FANCC: variants seen among roughly 807,000 people sequenced by gnomAD.
The protein encoded by FANCC is Fanconi anemia group C protein.
FANCC carries 55 observed loss-of-function variants against 71.3 expected under a neutral mutation model. That is an observed-to-expected ratio of 0.77 (90% CI 0.62 to 0.97). The LOEUF (loss-of-function observed/expected upper bound fraction) is 0.97. Among genes scored for constraint, FANCC ranks in the 50% least tolerant of loss-of-function variants. The pLI is 0.00. For synonymous variants in FANCC, 275 were observed against 244.9 expected (o/e 1.12, Z -1.15); for missense variants, 678 against 670.9 (o/e 1.01, Z -0.12).
At chr9:95,267,433 A>G (rs1380061140) in intron 1 of FANCC, among the ~76,000 whole-genome samples, 1 of 152,186 alleles carries the variant, frequency 6.6e-6, no homozygotes, top group African/African-American at 2.4e-5. Context: ...GACAGAGACA[A>G]GCAGAATGAG....
chr9:95,307,944 A>G (rs1835159496), intron 1 of FANCC, among the ~76,000 whole-genome samples: 1 of 152,270 alleles, frequency 6.6e-6, no homozygotes, highest in Non-Finnish European at 1.5e-5. Context: ...GAGGGGTCAC[A>G]TCGCAATGGA....
At chr9:95,140,280 C>T (rs538497956) in intron 7 of FANCC, among the ~76,000 whole-genome samples, 148 of 152,158 alleles carry the variant, frequency 9.7e-4, no homozygotes, top group African/African-American at 3.3e-3. Flanking sequence ...CTGGACAGGA[C>T]GCTCTCCCCT....
At chr9:95,191,162 A>C (rs1827074873) in intron 4 of FANCC, among the ~76,000 whole-genome samples, 1 of 152,026 alleles carries the variant, frequency 6.6e-6, no homozygotes, top group Non-Finnish European at 1.5e-5. Context: ...TTCTGTCATA[A>C]AAGACTGAAC....
intron 1 of FANCC, among the ~76,000 whole-genome samples, chr9:95,272,908 G>GTTATCAGCTA (rs1163041366): frequency 7.9e-5 from 12 of 152,154 alleles, no homozygotes; most frequent in African/African-American, 2.9e-4. Context: ...GCTAGAAATC[G>GTTATCAGCTA]GTGATCAGCA....
At chr9:95,247,210 C>CACGT (rs1554857733) in intron 3 of FANCC, among the ~76,000 whole-genome samples, 1 of 123,554 alleles carries the variant, frequency 8.1e-6, no homozygotes, top group Non-Finnish European at 1.7e-5. Context: ...GGTGCGTGCA[C>CACGT]GCGTGTGTGT....
intron 1 of FANCC, among the ~76,000 whole-genome samples, chr9:95,260,678 T>A (rs1251352897): frequency 2.5e-5 from 3 of 117,990 alleles, no homozygotes; most frequent in Non-Finnish European, 5.3e-5. Flanking sequence ...ATCTCAGAAC[T>A]TAAAATATAA....
At chr9:95,112,464 CAGTCCTCCCTG>C (rs72083778) in intron 12 of FANCC, among the ~76,000 whole-genome samples, 7,756 of 152,292 alleles carry the variant, frequency 0.051, 273 homozygotes, top group Admixed American at 0.084. Flanking sequence ...CCTCCTGCCC[CAGTCCTCCCTG>C]AGAACAAGTG....
At chr9:95,166,760 G>A in intron 6 of FANCC, among the ~76,000 whole-genome samples, 1 of 152,120 alleles carries the variant, frequency 6.6e-6, no homozygotes, top group East Asian at 1.9e-4. Flanking sequence ...AGTTTACTAT[G>A]GGACTGGAGC....
At chr9:95,116,129 C>T (rs146173156) in intron 11 of FANCC, among the ~76,000 whole-genome samples, 4 of 152,376 alleles carry the variant, frequency 2.6e-5, no homozygotes, top group African/African-American at 4.8e-5. Flanking sequence ...CATGCCCATG[C>T]ACCACCTCAC....
chr9:95,100,191 T>C lies in FANCC; in HGVS notation c.*1516A>G, dbSNP rs541816451. 4.3e-5 allele frequency: 10 copies of C among 232,022 alleles called. 1 individual carries two copies. In the South Asian group the frequency reaches 1.1e-3, roughly 25 times the overall value. 14.4% of individuals were successfully genotyped at this position (232,022 alleles called of 1,614,324 possible). On this transcript the variant is annotated 3_prime_UTR_variant, in exon 15 of 15. Coordinates refer to ENST00000289081, the MANE Select transcript of FANCC (RefSeq NM_000136.3). Reference sequence around the variant, plus strand: ...TGTTATATGAAGGCAAGGATCATGATGGCACGAAGCATGTTATATGAAGGC... The same window carrying C: ...TGTTATATGAAGGCAAGGATCATGACGGCACGAAGCATGTTATATGAAGGC...
intron 1 of FANCC, among the ~76,000 whole-genome samples, chr9:95,263,176 G>A (rs1832156543): frequency 6.6e-6 from 1 of 152,210 alleles, no homozygotes; most frequent in South Asian, 2.1e-4. Context: ...TGGCCCAGCA[G>A]AGGTGGGGCC....
rs1712305395 is a variant in FANCC, at chr9:95,100,288, C to T, written c.*1419G>A. On this transcript the variant is annotated 3_prime_UTR_variant, in exon 15 of 15. Transcript: ENST00000289081. Reference sequence around the variant, plus strand: ...TGGCAGCTGCCACCAAAATACTTTACCAGCACACCCTTCTGACTGCAGCAT... The same window carrying T: ...TGGCAGCTGCCACCAAAATACTTTATCAGCACACCCTTCTGACTGCAGCAT... The T allele has an allele frequency of 1.3e-5, 3 of 232,726 alleles. No homozygotes were observed. Among genetic ancestry groups the T allele is most frequent in the Admixed American group, 5.6e-5 (1 of 17,770 alleles). 14.4% of individuals were successfully genotyped at this position (232,726 alleles called of 1,614,324 possible).
intron 6 of FANCC, among the ~76,000 whole-genome samples, chr9:95,163,196 T>C (rs1032579227): frequency 1.3e-5 from 2 of 152,228 alleles, no homozygotes; most frequent in South Asian, 4.1e-4. Flanking sequence ...AGACAATCTT[T>C]TCCCAATCTT....
intron 14 of FANCC, among the ~76,000 whole-genome samples, chr9:95,102,837 G>C (rs1029439964): frequency 1.3e-5 from 2 of 152,194 alleles, no homozygotes; most frequent in Non-Finnish European, 2.9e-5. Flanking sequence ...AAGAGTAAAC[G>C]ACGTGGTGTG....
chr9:95,161,716 A>C (rs1370397711), intron 6 of FANCC, among the ~76,000 whole-genome samples: 4 of 152,188 alleles, frequency 2.6e-5, no homozygotes, highest in Non-Finnish European at 5.9e-5. Context: ...CCTTATATGC[A>C]ACAGATCTCT....
intron 1 of FANCC, among the ~76,000 whole-genome samples, chr9:95,297,948 A>G (rs1834486101): frequency 6.6e-6 from 1 of 152,238 alleles, no homozygotes; most frequent in African/African-American, 2.4e-5. Context: ...TTTACAAAAC[A>G]GAGTAAGGAC....
At chr9:95,301,100 C>T (rs1834697663) in intron 1 of FANCC, among the ~76,000 whole-genome samples, 2 of 150,876 alleles carry the variant, frequency 1.3e-5, no homozygotes, top group Non-Finnish European at 3.0e-5. Flanking sequence ...CGGTTAAGAC[C>T]ACACAAAGAA....
chr9:95,184,115 CCCCCCTTTTTTTAATGTAAA>C (rs1334545006), intron 4 of FANCC, among the ~76,000 whole-genome samples: 22 of 151,692 alleles, frequency 1.5e-4, no homozygotes, highest in African/African-American at 5.3e-4. Context: ...GTTGCTTCTC[CCCCCCTTTTTTTAATGTAAA>C]CATTAAAAAA....
chr9:95,174,397 AT>A, intron 4 of FANCC, among the ~76,000 whole-genome samples: 1 of 152,184 alleles, frequency 6.6e-6, no homozygotes, highest in African/African-American at 2.4e-5. Context: ...CACATGGGTG[AT>A]TAAGTTTCAA....
Sources: allele counts gnomAD v4.1 joint callset (sites outside exome capture counted in the v4.1 genomes callset), GRCh38; gene constraint gnomAD v4.1.1; transcripts MANE v1.5; gene names NCBI Gene and HGNC (gene_info 2026-07-23, HGNC 2026-07-21).